The following NEK10 variants were observed in gnomAD, a reference collection of about 807,000 sequenced individuals.
The protein encoded by NEK10 is NIMA related kinase 10, also known as serine/threonine-protein kinase Nek10.
A neutral mutation model predicts 159.8 loss-of-function variants in NEK10; 122 were observed. The ratio of observed to expected loss-of-function variants is 0.76; its 90% CI spans 0.66 to 0.89. The LOEUF (loss-of-function observed/expected upper bound fraction) is 0.89, where lower values mean the gene tolerates loss of function less well. Among genes scored for constraint, NEK10 ranks in the 40% least tolerant of loss-of-function variants. The pLI, the probability that NEK10 is intolerant of heterozygous loss-of-function variation, is 0.00. For synonymous variants in NEK10, 466 were observed against 457.1 expected (o/e 1.02, Z -0.25); for missense variants, 1,342 against 1,323.1 (o/e 1.01, Z -0.22).
chr3:27,125,327 G>A (rs966124782), intron 32 of NEK10, among the ~76,000 whole-genome samples: 2 of 152,054 alleles, frequency 1.3e-5, no homozygotes, highest in African/African-American at 4.8e-5. Flanking sequence ...TATCCTCACT[G>A]TAGAACAATT....
intron 33 of NEK10, among the ~76,000 whole-genome samples, chr3:27,118,938 T>C (rs1940889866): frequency 6.6e-6 from 1 of 152,154 alleles, no homozygotes; most frequent in Non-Finnish European, 1.5e-5. Flanking sequence ...GCTAAAGAGA[T>C]GGCAAGTCTT....
At position 27,108,121 on chromosome 3, in the gene NEK10, T is replaced by C. The variant is rs1227505547; in HGVS notation, c.*3151A>G. ...AAAATTCATAGTATTTAATGAGTCATAGATGATACTTATAGGAAGACCTAA... is the reference window on the plus strand; with the variant it reads ...AAAATTCATAGTATTTAATGAGTCACAGATGATACTTATAGGAAGACCTAA... On this transcript the variant is annotated 3_prime_UTR_variant, in exon 36 of 36. Transcript: ENST00000691995. Among the ~76,000 whole-genome samples, 4 of 152,220 alleles carry C rather than the reference T, an allele frequency of 2.6e-5. No homozygotes were observed. The highest frequency in any genetic ancestry group is 1.5e-5 in the Non-Finnish European group (1 of 68,034).
At chr3:27,267,724 C>T (rs2041021827) in intron 22 of NEK10, among the ~76,000 whole-genome samples, 1 of 152,122 alleles carries the variant, frequency 6.6e-6, no homozygotes, top group Admixed American at 6.5e-5. Flanking sequence ...CCCCTAGACA[C>T]AATAATATTG....
At chr3:27,163,508 C>T (rs1249603416) in intron 29 of NEK10, among the ~76,000 whole-genome samples, 4 of 152,120 alleles carry the variant, frequency 2.6e-5, no homozygotes, top group South Asian at 2.1e-4. Flanking sequence ...CCCGCCACCA[C>T]GCCCAGCTAA....
At chr3:27,321,318 C>G (rs1329145990) in intron 6 of NEK10, among the ~76,000 whole-genome samples, 1 of 152,100 alleles carries the variant, frequency 6.6e-6, no homozygotes, top group Non-Finnish European at 1.5e-5. Flanking sequence ...CATACTGAGT[C>G]AGATTCTGCA....
intron 25 of NEK10, 93 bp downstream of exon 25, chr3:27,201,417 C>G: frequency 9.1e-7 from 1 of 1,095,802 alleles, no homozygotes; most frequent in Non-Finnish European, 1.4e-6. Flanking sequence ...GACTCTTTCT[C>G]TTCATGACCT....
intron 5 of NEK10, 105 bp downstream of exon 5, chr3:27,344,167 A>G (rs2047388720): frequency 3.5e-6 from 2 of 573,682 alleles, no homozygotes; most frequent in Non-Finnish European, 6.1e-6. Context: ...CTTTCCTTTA[A>G]TGACATGTTC....
At chr3:27,273,419 G>A (rs369677164) in intron 22 of NEK10, among the ~76,000 whole-genome samples, 18 of 152,138 alleles carry the variant, frequency 1.2e-4, no homozygotes, top group African/African-American at 4.3e-4. Context: ...TGCTGACACT[G>A]TCAATCTACA....
At chr3:27,299,947 G>T (rs2043673955) in intron 13 of NEK10, among the ~76,000 whole-genome samples, 3 of 152,188 alleles carry the variant, frequency 2.0e-5, no homozygotes, top group Admixed American at 2.0e-4. Flanking sequence ...ACAGGCAAAA[G>T]GGACTTGCCT....
intron 5 of NEK10, among the ~76,000 whole-genome samples, chr3:27,327,688 C>T (rs2046104413): frequency 6.6e-6 from 1 of 152,196 alleles, no homozygotes; most frequent in African/African-American, 2.4e-5. Flanking sequence ...GGAACTGATG[C>T]AAATGGCAGA....
intron 25 of NEK10, among the ~76,000 whole-genome samples, chr3:27,195,624 A>G (rs2149000121): frequency 6.6e-6 from 1 of 152,286 alleles, no homozygotes; most frequent in South Asian, 2.1e-4. Flanking sequence ...AAGCAACCTC[A>G]AATTGAGAAG....
chr3:27,243,841 GTGTGTGTGTGTGTGTGTGTGTGTC>G (rs1954803637), intron 23 of NEK10, among the ~76,000 whole-genome samples: 1 of 89,830 alleles, frequency 1.1e-5, no homozygotes, highest in African/African-American at 3.3e-5. Context: ...GTGTGTGTGT[GTGTGTGTGTGTGTGTGTGTGTGTC>G]TGTGTGTCCG....
intron 23 of NEK10, among the ~76,000 whole-genome samples, chr3:27,237,482 G>A (rs556020392): frequency 9.9e-5 from 15 of 152,258 alleles, no homozygotes; most frequent in Non-Finnish European, 1.8e-4. Flanking sequence ...ACTGATAAAT[G>A]TCCATGAAAT....
chr3:27,143,864 T>C (rs1229642624), intron 30 of NEK10, among the ~76,000 whole-genome samples: 1 of 152,190 alleles, frequency 6.6e-6, no homozygotes, highest in East Asian at 1.9e-4. Context: ...ACAGTGTTTT[T>C]CAAACCATAC....
chr3:27,113,561 C>T (rs1393895076), intron 35 of NEK10, among the ~76,000 whole-genome samples: 1 of 151,356 alleles, frequency 6.6e-6, no homozygotes, highest in Non-Finnish European at 1.5e-5. Flanking sequence ...ACTTATATTG[C>T]TTAAACTTGA....
chr3:27,186,199 G>T (rs1948605946), intron 26 of NEK10, among the ~76,000 whole-genome samples: 1 of 152,222 alleles, frequency 6.6e-6, no homozygotes, highest in African/African-American at 2.4e-5. Context: ...CAGCAAATGG[G>T]TGTGGAAATT....
At chr3:27,190,456 C>A (rs539444127) in intron 26 of NEK10, among the ~76,000 whole-genome samples, 4 of 152,110 alleles carry the variant, frequency 2.6e-5, no homozygotes, top group Admixed American at 1.3e-4. Context: ...AGGAAGTAAT[C>A]TTTGCATTTA....
chr3:27,156,961 T>C (rs933764042), intron 30 of NEK10, among the ~76,000 whole-genome samples: 8 of 125,306 alleles, frequency 6.4e-5, no homozygotes, highest in African/African-American at 2.3e-4. Flanking sequence ...TATATATATA[T>C]ATATATATAT....
intron 23 of NEK10, chr3:27,252,190 C>A: frequency 2.0e-6 from 1 of 501,902 alleles, no homozygotes. Context: ...CACTATAAGC[C>A]AATTCAAGTA....
Sources: gnomAD v4.1 joint callset for allele counts (sites outside exome capture counted in the v4.1 genomes callset) on GRCh38, gnomAD v4.1.1 for gene constraint, MANE v1.5 for transcripts, NCBI Gene and HGNC (gene_info 2026-07-23, HGNC 2026-07-21) for gene names.